Variants in DPYD observed in about 807,000 individuals in gnomAD.
DPYD encodes the protein dihydropyrimidine dehydrogenase, also known as dihydropyrimidine dehydrogenase [NADP(+)].
In DPYD, 109 loss-of-function variants were observed where a neutral mutation model predicts 116.2. The observed-to-expected ratio is 0.94, with a 90% confidence interval of 0.80 to 1.10. The LOEUF (loss-of-function observed/expected upper bound fraction) is 1.10. Ranked by LOEUF, DPYD falls within the 50% of genes least tolerant of loss-of-function variation. DPYD has a pLI of 0.00. For synonymous variants in DPYD, 440 were observed against 432.0 expected (o/e 1.02, Z -0.23); for missense variants, 1,302 against 1,254.5 (o/e 1.04, Z -0.57).
At chr1:97,679,010 G>A (rs761682726) in intron 8 of DPYD, 85 bp downstream of exon 8, 13 of 599,590 alleles carry the variant, frequency 2.2e-5, no homozygotes, top group Non-Finnish European at 3.4e-5. Context: ...TCACGAAAAT[G>A]TCTGAAGGCA....
At chr1:97,468,915 G>A (rs1489060847) in intron 13 of DPYD, among the ~76,000 whole-genome samples, 7 of 152,210 alleles carry the variant, frequency 4.6e-5, no homozygotes, top group Non-Finnish European at 8.8e-5. Context: ...TAAGAAATCA[G>A]CAGCTAGCCA....
intron 18 of DPYD, among the ~76,000 whole-genome samples, chr1:97,267,742 G>A (rs1188877364): frequency 6.6e-6 from 1 of 152,012 alleles, no homozygotes; most frequent in East Asian, 1.9e-4. Context: ...TGTTGCATTG[G>A]GGATTAAGCT....
intron 13 of DPYD, among the ~76,000 whole-genome samples, chr1:97,489,313 T>A (rs1009639429): frequency 6.6e-6 from 1 of 152,124 alleles, no homozygotes; most frequent in African/African-American, 2.4e-5. Context: ...AAAGCTCAAA[T>A]CTAAAGAATG....
intron 2 of DPYD, among the ~76,000 whole-genome samples, chr1:97,852,881 C>T (rs1670640754): frequency 6.6e-6 from 1 of 152,140 alleles, no homozygotes; most frequent in African/African-American, 2.4e-5. Flanking sequence ...ACACTGGAAG[C>T]TACTTTAGCA....
At chr1:97,873,601 A>G (rs1571508696) in intron 2 of DPYD, among the ~76,000 whole-genome samples, 1 of 152,130 alleles carries the variant, frequency 6.6e-6, no homozygotes, top group East Asian at 1.9e-4. Flanking sequence ...ATTTTTATAT[A>G]TGTGTAGATT....
intron 16 of DPYD, among the ~76,000 whole-genome samples, chr1:97,362,070 A>C (rs1448973027): frequency 1.3e-5 from 2 of 152,238 alleles, no homozygotes; most frequent in African/African-American, 4.8e-5. Context: ...GTCTCAGCCC[A>C]AAATCTCTTT....
At chr1:97,243,320 CTCTTT>C (rs1450508189) in intron 18 of DPYD, among the ~76,000 whole-genome samples, 1 of 151,832 alleles carries the variant, frequency 6.6e-6, no homozygotes, top group Non-Finnish European at 1.5e-5. Flanking sequence ...ATAAATGCTC[CTCTTT>C]TGAGTGCTTT....
intron 10 of DPYD, among the ~76,000 whole-genome samples, chr1:97,575,718 G>A (rs111720531): frequency 1.1e-4 from 17 of 152,194 alleles, no homozygotes; most frequent in African/African-American, 3.1e-4. Flanking sequence ...AGAGGTAAGC[G>A]GAATTGAATC....
intron 13 of DPYD, among the ~76,000 whole-genome samples, chr1:97,483,481 G>A (rs553868187): frequency 1.2e-4 from 18 of 152,240 alleles, no homozygotes; most frequent in African/African-American, 3.6e-4. Flanking sequence ...GGAGGCGAAC[G>A]ACACTGACTC....
chr1:97,335,879 T>C lies in DPYD; in HGVS notation c.2059-29582A>G, dbSNP rs113172070. The stretch of plus-strand genomic sequence containing the variant: ...TTGTCCTTCTGTTCCTCCCCCTCCA[T>C]CCCAGTGTTTCAAGGCTACCCAGAC... On this transcript the variant is annotated intron_variant, in intron 16 of 22. Transcript: ENST00000370192. Among the ~76,000 whole-genome samples the C allele has an allele frequency of 1.4e-3, 218 of 152,232 alleles. 2 individuals carry two copies. The highest frequency in any genetic ancestry group is 4.9e-3 in the African/African-American group (202 of 41,542).
At chr1:97,801,142 C>A (rs751439625) in intron 3 of DPYD, among the ~76,000 whole-genome samples, 2 of 151,118 alleles carry the variant, frequency 1.3e-5, no homozygotes, top group East Asian at 3.9e-4. Context: ...GTGGAGCCAA[C>A]ATGAATAGGA....
intron 7 of DPYD, 55 bp downstream of exon 7, chr1:97,691,662 A>G (rs1661013542): frequency 7.1e-7 from 1 of 1,411,408 alleles, no homozygotes; most frequent in African/African-American, 1.4e-5. Context: ...TCTTTAGTGT[A>G]GAGCTTACTC....
intron 13 of DPYD, among the ~76,000 whole-genome samples, chr1:97,462,652 C>T (rs1016515719): frequency 1.1e-4 from 16 of 152,188 alleles, no homozygotes; most frequent in African/African-American, 3.9e-4. Context: ...AAATTCCAGC[C>T]TCACTCTAGT....
At chr1:97,506,609 C>A (rs2101947151) in intron 13 of DPYD, among the ~76,000 whole-genome samples, 1 of 151,950 alleles carries the variant, frequency 6.6e-6, no homozygotes, top group Non-Finnish European at 1.5e-5. Context: ...TAACCCAGAT[C>A]AAAATTGTAC....
At chr1:97,121,168 C>T (rs1652401559) in intron 20 of DPYD, among the ~76,000 whole-genome samples, 1 of 152,116 alleles carries the variant, frequency 6.6e-6, no homozygotes, top group Non-Finnish European at 1.5e-5. Flanking sequence ...GGTGGAGATG[C>T]AGAGGGGTGG....
At chr1:97,291,479 C>T (rs919519941) in intron 18 of DPYD, among the ~76,000 whole-genome samples, 2 of 151,972 alleles carry the variant, frequency 1.3e-5, no homozygotes, top group African/African-American at 2.4e-5. Flanking sequence ...AAATGTGGCA[C>T]ATATACACCA....
chr1:97,339,625 T>C (rs1252740687), intron 16 of DPYD, among the ~76,000 whole-genome samples: 1 of 152,152 alleles, frequency 6.6e-6, no homozygotes. Flanking sequence ...AAGAAAATAC[T>C]CAAGGAAGTA....
At chr1:97,494,588 C>T (rs1484116646) in intron 13 of DPYD, among the ~76,000 whole-genome samples, 1 of 151,908 alleles carries the variant, frequency 6.6e-6, no homozygotes, top group Non-Finnish European at 1.5e-5. Context: ...ATGAAAAATA[C>T]AAAAATTAGC....
Position 97,299,285 on chromosome 1 carries a change from AAC to A in DPYD, c.2299+5972_2299+5973del, listed in dbSNP as rs1443080929. On this transcript the variant is annotated intron_variant, in intron 18 of 22. Transcript: ENST00000370192. ...AGCTTGAAATCATTCTTTATGAAAA[AAC>A]ACACACAGAGGAAAGAAATTTAATA... 9.2e-5 allele frequency among the ~76,000 whole-genome samples: 14 copies of A among 152,262 alleles called. No individual in the cohort carries two copies. In the East Asian group the frequency reaches 2.7e-3, roughly 29 times the overall value.
Sources: allele counts gnomAD v4.1 joint callset (sites outside exome capture counted in the v4.1 genomes callset), GRCh38; gene constraint gnomAD v4.1.1; transcripts MANE v1.5; gene names NCBI Gene and HGNC (gene_info 2026-07-23, HGNC 2026-07-21).